Variants in CCKAR observed in about 807,000 individuals in gnomAD.
CCKAR encodes cholecystokinin receptor type A.
CCKAR carries 21 observed loss-of-function variants against 29.8 expected under a neutral mutation model. That is an observed-to-expected ratio of 0.70 (90% CI 0.50 to 1.01). The LOEUF is 1.01. CCKAR is among the 50% of genes least tolerant of loss of function. The pLI is 0.00. For missense variants in CCKAR, 570 were observed against 560.6 expected, an observed-to-expected ratio of 1.02 and a Z score of -0.17; for synonymous variants, 238 against 221.3, an observed-to-expected ratio of 1.08 and a Z score of -0.67.
At chr4:26,485,109 G>T (rs1468491955) in intron 3 of CCKAR, among the ~76,000 whole-genome samples, 1 of 150,894 alleles carries the variant, frequency 6.6e-6, no homozygotes, top group African/African-American at 2.4e-5. Flanking sequence ...CAGGAGAATT[G>T]CTTGAACCCG....
intron 2 of CCKAR, among the ~76,000 whole-genome samples, chr4:26,487,549 T>C (rs750474657): frequency 2.0e-5 from 3 of 152,208 alleles, no homozygotes; most frequent in Non-Finnish European, 4.4e-5. Context: ...TAATTATTAG[T>C]ATTGAGGAGA....
intron 4 of CCKAR, 60 bp from the exon 5 acceptor site, chr4:26,482,230 G>A (rs1737366288): frequency 6.7e-7 from 1 of 1,503,272 alleles, no homozygotes; most frequent in Non-Finnish European, 9.0e-7. Flanking sequence ...TAGAAGGCAT[G>A]GAGCCCCCAC....
chr4:26,481,823 T>G lies in CCKAR; in HGVS notation c.1102A>C (p.Ile368Leu), dbSNP rs1254206888. 1 of 1,613,494 alleles carries G rather than the reference T, an allele frequency of 6.2e-7. No homozygotes were observed. The highest frequency in any genetic ancestry group is 8.5e-7 in the Non-Finnish European group (1 of 1,179,808). Residue 368 changes from isoleucine (I) to leucine (L), a missense_variant, in exon 5 of 5, where the codon ATC (isoleucine) becomes CTC (leucine). By Grantham distance (5) the Ile-to-Leu change is conservative (BLOSUM62 2). Transcript: ENST00000295589. Reference sequence around the variant, plus strand: ...CGTTTGTTCATGAAGCAGTAGATGATGGGGTTGACGCAGGAGGAGGTGTAG... The same window carrying G: ...CGTTTGTTCATGAAGCAGTAGATGAGGGGGTTGACGCAGGAGGAGGTGTAG... ...LSYTSSCVNPIIYCFMNKRFR... is the reference protein window; with the variant it reads ...LSYTSSCVNPLIYCFMNKRFR...
intron 2 of CCKAR, among the ~76,000 whole-genome samples, chr4:26,487,150 T>C (rs1737466667): frequency 6.6e-6 from 1 of 152,188 alleles, no homozygotes; most frequent in East Asian, 1.9e-4. Flanking sequence ...CTTACCAAGA[T>C]TTCTTAAACC....
chr4:26,482,694 G>A (rs1306500684), intron 4 of CCKAR, among the ~76,000 whole-genome samples: 1 of 152,174 alleles, frequency 6.6e-6, no homozygotes. Flanking sequence ...AATGGAGAAG[G>A]AATGAGGCTT....
In CCKAR at chr4:26,482,099, G is replaced by C. The variant is rs200004028; in HGVS notation, c.826C>G (p.Pro276Ala). 6.2e-6 allele frequency: 10 copies of C among 1,614,182 alleles called. No homozygotes were observed. Among genetic ancestry groups the C allele is most frequent in the Non-Finnish European group, 8.5e-6 (10 of 1,180,038 alleles). ...TGCCGGAGCTCCAGCTTCCTCGGGG[G>C]CCTGGTCTTTTGCAGGTAACACCCA... ...SDGCYLQKTR[P>A]PRKLELRQLS... The change falls in exon 5 of 5, where the codon CCC becomes GCC. Residue 276 changes from proline (P) to alanine (A), a missense_variant. Pro to Ala is a conservative substitution (Grantham distance 27, BLOSUM62 -1). Coordinates refer to ENST00000295589, the MANE Select transcript of CCKAR (RefSeq NM_000730.3).
intron 4 of CCKAR, 152 bp downstream of exon 4, chr4:26,483,004 C>T: frequency 7.0e-6 from 5 of 716,992 alleles, no homozygotes; most frequent in Non-Finnish European, 9.1e-6. Flanking sequence ...AAATACTGGG[C>T]CCGTGACTGT....
At position 26,481,725 on chromosome 4, in the gene CCKAR, C is replaced by A; in HGVS notation, c.1200G>T (p.Val400=). 1.9e-6 allele frequency: 3 copies of A among 1,614,216 alleles called. No individual in the cohort carries two copies. Among genetic ancestry groups the A allele is most frequent in the Non-Finnish European group, 2.5e-6 (3 of 1,180,028 alleles). Residue 400 remains valine, a synonymous_variant, in exon 5 of 5, where the codon GTG becomes GTT. Transcript: ENST00000295589. Reference sequence around the variant, plus strand: ...TGGTCCCGCCTTCCTCCTCCTCCCCCACCTCTCCCCTCGCCCCTGGGGGAC... The same window carrying A: ...TGGTCCCGCCTTCCTCCTCCTCCCCAACCTCTCCCCTCGCCCCTGGGGGAC... The part of the protein sequence containing the change: ...NPGPPGARGE[V]GEEEEGGTTG...
intron 3 of CCKAR, among the ~76,000 whole-genome samples, chr4:26,484,209 C>T (rs977256851): frequency 2.8e-4 from 43 of 152,196 alleles, no homozygotes; most frequent in African/African-American, 9.2e-4. Flanking sequence ...GTCAGAGGCT[C>T]ATGGTGGCTG....
At chr4:26,485,168 T>G (rs1737424351) in intron 3 of CCKAR, among the ~76,000 whole-genome samples, 1 of 142,746 alleles carries the variant, frequency 7.0e-6, no homozygotes, top group Non-Finnish European at 1.5e-5. Context: ...CACTCCAGCC[T>G]GGGCAACAAG....
chr4:26,484,614 T>C (rs1417752731), intron 3 of CCKAR, among the ~76,000 whole-genome samples: 1 of 152,216 alleles, frequency 6.6e-6, no homozygotes, highest in Non-Finnish European at 1.5e-5. Flanking sequence ...GTGCAGTTAG[T>C]AAGCAAAGGA....
In CCKAR at chr4:26,484,045, GCAT is replaced by G. The variant is rs529705634; in HGVS notation, c.627-765_627-763del. Among the ~76,000 whole-genome samples the G allele has an allele frequency of 1.0e-3, 152 of 152,310 alleles. 1 individual carries two copies. The highest frequency in any genetic ancestry group is 3.6e-3 in the African/African-American group (149 of 41,568). On this transcript the variant is annotated intron_variant, in intron 3 of 4. Coordinates refer to ENST00000295589, the MANE Select transcript of CCKAR (RefSeq NM_000730.3). ...ATGACCCTGTGAGGCTAGCATAGTG[GCAT>G]CATCATTCTAGTGCCTGGTTGGGTA...
intron 1 of CCKAR, 70 bp from the exon 2 acceptor site, chr4:26,489,554 A>G: frequency 6.4e-7 from 1 of 1,566,482 alleles, no homozygotes; most frequent in Non-Finnish European, 8.7e-7. Context: ...ACCGAAGCCA[A>G]GGGTGAATTC....
At position 26,487,790 on chromosome 4, in the gene CCKAR, A is replaced by G. The variant is rs192747973; in HGVS notation, c.364+1443T>C. On this transcript the variant is annotated intron_variant, in intron 2 of 4. Transcript: ENST00000295589. The stretch of plus-strand genomic sequence containing the variant: ...ACACTCATTTAAAATCTCGGTTCAC[A>G]TTCTCTGGTTAAGGTTCCCAAATAG... Among the ~76,000 whole-genome samples, 4 of 152,328 alleles carry G rather than the reference A, an allele frequency of 2.6e-5. No homozygotes were observed. The East Asian group carries it at 7.7e-4, about 29-fold the overall frequency.
Position 26,485,915 on chromosome 4 carries a change from G to A in CCKAR, c.365-17C>T, listed in dbSNP as rs771570159. 6.2e-7 allele frequency: 1 copy of A among 1,608,612 alleles called. No homozygotes were observed. Among genetic ancestry groups the A allele is most frequent in the South Asian group, 1.1e-5 (1 of 90,720 alleles). On this transcript the variant is annotated splice_polypyrimidine_tract_variant and intron_variant, in intron 2 of 4. Coordinates refer to ENST00000295589, the MANE Select transcript of CCKAR (RefSeq NM_000730.3). The stretch of plus-strand genomic sequence containing the variant: ...CAGAGGTGCCTGGGAAAGGAACAAA[G>A]AAGCCGGTTATGTTGACTCTGAAAT...
At position 26,481,796 on chromosome 4, in the gene CCKAR, A is replaced by G. The variant is rs773980771; in HGVS notation, c.1129T>C (p.Phe377Leu). 6.2e-7 allele frequency: 1 copy of G among 1,613,932 alleles called. No homozygotes were observed. Among genetic ancestry groups the G allele is most frequent in the Admixed American group, 1.7e-5 (1 of 60,014 alleles). ...PIIYCFMNKR[F>L]RLGFMATFPC... is the part of the protein sequence containing the mutation. ...AAGGTGGCCATGAAGCCGAGGCGGA[A>G]GCGTTTGTTCATGAAGCAGTAGATG... Residue 377 changes from phenylalanine (F) to leucine (L), a missense_variant, in exon 5 of 5, where the codon TTC becomes CTC. Transcript: ENST00000295589.
intron 3 of CCKAR, among the ~76,000 whole-genome samples, chr4:26,485,371 C>T (rs1737428996): frequency 6.6e-6 from 1 of 152,138 alleles, no homozygotes; most frequent in Admixed American, 6.5e-5. Context: ...GTTTCCTCAA[C>T]AGCAAAACGG....
In CCKAR at chr4:26,489,489, A is replaced by G. The variant is rs1800857; in HGVS notation, c.113-5T>C. The G allele has an allele frequency of 0.16, 250,161 of 1,611,920 alleles. 22,325 individuals carry two copies. The highest frequency in any genetic ancestry group is 0.3 in the South Asian group (26,920 of 91,036). ...TCTGCACCGCTGGCTGCCACTCTGCAGAGAGAAACAGGAGCAAGACGGAGG... is the reference window on the plus strand; with the variant it reads ...TCTGCACCGCTGGCTGCCACTCTGCGGAGAGAAACAGGAGCAAGACGGAGG... On this transcript the variant is annotated splice_polypyrimidine_tract_variant and splice_region_variant and intron_variant, in intron 1 of 4. Transcript: ENST00000295589.
In CCKAR at chr4:26,489,460, A is replaced by G. The variant is rs1183982518; in HGVS notation, c.137T>C (p.Leu46Pro). The change falls in exon 2 of 5, where the codon CTC (leucine) becomes CCC (proline). Residue 46 changes from leucine to proline, a missense_variant. Coordinates refer to ENST00000295589, the MANE Select transcript of CCKAR (RefSeq NM_000730.3). ...GAGCAGGAATATCAAGGAGTACAAG[A>G]GAATCTGCACCGCTGGCTGCCACTC... The part of the protein sequence containing the change: ...SKEWQPAVQI[L>P]LYSLIFLLSV... The G allele has an allele frequency of 6.2e-7, 1 of 1,613,940 alleles. No homozygotes were observed. Among genetic ancestry groups the G allele is most frequent in the South Asian group, 1.1e-5 (1 of 91,084 alleles).
Sources: allele counts gnomAD v4.1 joint callset (sites outside exome capture counted in the v4.1 genomes callset), GRCh38; gene constraint gnomAD v4.1.1; transcripts MANE v1.5; gene names NCBI Gene and HGNC (gene_info 2026-07-23, HGNC 2026-07-21).